KSR2: variants seen among roughly 807,000 people sequenced by gnomAD.
The protein encoded by KSR2 is kinase suppressor of ras 2.
A neutral mutation model predicts 107.8 loss-of-function variants in KSR2; 25 were observed. That is an observed-to-expected ratio of 0.23 (90% CI 0.17 to 0.32). The LOEUF (loss-of-function observed/expected upper bound fraction) is 0.32. KSR2 is among the 10% of genes least tolerant of loss of function. KSR2 has a pLI of 1.00. For synonymous variants in KSR2, 480 were observed against 507.0 expected (o/e 0.95, Z 0.71); for missense variants, 887 against 1,268.9 (o/e 0.70, Z 4.57).
intron 1 of KSR2, among the ~76,000 whole-genome samples, chr12:117,927,494 C>G (rs144349171): frequency 2.2e-4 from 33 of 152,178 alleles, no homozygotes; most frequent in African/African-American, 7.5e-4. Context: ...GAGTTCAAGA[C>G]CAGCCTGGCC....
intron 4 of KSR2, among the ~76,000 whole-genome samples, chr12:117,740,747 T>C (rs1888189794): frequency 6.6e-6 from 1 of 150,976 alleles, no homozygotes; most frequent in Admixed American, 6.7e-5. Context: ...GTTCCATATT[T>C]TTGCAATTGC....
intron 3 of KSR2, among the ~76,000 whole-genome samples, chr12:117,821,065 G>A (rs1891546345): frequency 6.6e-6 from 1 of 152,184 alleles, no homozygotes; most frequent in South Asian, 2.1e-4. Context: ...CTGAGCCTCA[G>A]TTTCTGCATC....
chr12:117,841,128 G>A (rs1892459253), intron 3 of KSR2, among the ~76,000 whole-genome samples: 1 of 152,110 alleles, frequency 6.6e-6, no homozygotes, highest in African/African-American at 2.4e-5. Context: ...TTGGTAATCA[G>A]GGAAATAATT....
At chr12:117,625,491 G>C (rs1882438876) in intron 5 of KSR2, among the ~76,000 whole-genome samples, 1 of 152,154 alleles carries the variant, frequency 6.6e-6, no homozygotes, top group Non-Finnish European at 1.5e-5. Context: ...TTCTGCTTAT[G>C]TGATGGATTG....
chr12:117,630,473 G>A (rs1222686765), intron 5 of KSR2, among the ~76,000 whole-genome samples: 1 of 152,172 alleles, frequency 6.6e-6, no homozygotes, highest in Non-Finnish European at 1.5e-5. Flanking sequence ...GGAGATGTAG[G>A]CACTAGTGCA....
At chr12:117,918,456 C>T (rs553125130) in intron 1 of KSR2, among the ~76,000 whole-genome samples, 4 of 152,222 alleles carry the variant, frequency 2.6e-5, no homozygotes, top group African/African-American at 9.6e-5. Flanking sequence ...ATTCCTTCTC[C>T]TCTACTATCT....
intron 1 of KSR2, among the ~76,000 whole-genome samples, chr12:117,901,223 C>T (rs755580504): frequency 7.2e-5 from 11 of 151,730 alleles, no homozygotes; most frequent in Non-Finnish European, 1.6e-4. Context: ...ATAAAGTAGA[C>T]AATAAACATA....
intron 5 of KSR2, among the ~76,000 whole-genome samples, chr12:117,625,312 C>T (rs1175451943): frequency 6.6e-6 from 1 of 152,122 alleles, no homozygotes; most frequent in Non-Finnish European, 1.5e-5. Context: ...CAGTTTTTGC[C>T]CACTCAGTAT....
At chr12:117,646,676 G>T (rs192355825) in intron 5 of KSR2, among the ~76,000 whole-genome samples, 9 of 152,270 alleles carry the variant, frequency 5.9e-5, no homozygotes, top group Admixed American at 3.9e-4. Flanking sequence ...AGTTTCTTCT[G>T]AAGGGGCGCA....
intron 4 of KSR2, among the ~76,000 whole-genome samples, chr12:117,668,559 C>T (rs1431325789): frequency 6.6e-6 from 1 of 152,176 alleles, no homozygotes; most frequent in Non-Finnish European, 1.5e-5. Context: ...GCAGGAATTA[C>T]ACTATTCTGG....
intron 16 of KSR2, among the ~76,000 whole-genome samples, chr12:117,481,172 A>C (rs752049018): frequency 6.6e-6 from 1 of 151,986 alleles, no homozygotes; most frequent in African/African-American, 2.4e-5. Context: ...GCCTGCCCCT[A>C]CTCCCATTTT....
At chr12:117,652,518 A>C (rs757630909) in intron 5 of KSR2, among the ~76,000 whole-genome samples, 26 of 152,178 alleles carry the variant, frequency 1.7e-4, no homozygotes, top group Non-Finnish European at 3.5e-4. Flanking sequence ...CCCTCAGTCA[A>C]TTTCCAGACT....
intron 4 of KSR2, among the ~76,000 whole-genome samples, chr12:117,748,658 T>G: frequency 6.6e-6 from 1 of 152,192 alleles, no homozygotes; most frequent in Non-Finnish European, 1.5e-5. Flanking sequence ...AAGTGACAGC[T>G]ATCATGTATA....
intron 14 of KSR2, among the ~76,000 whole-genome samples, chr12:117,513,113 G>A (rs1041579532): frequency 5.3e-5 from 8 of 151,642 alleles, no homozygotes; most frequent in Admixed American, 2.0e-4. Context: ...CCTCCATCTC[G>A]TTTCCCTCTT....
At chr12:117,700,752 A>G (rs1334262405) in intron 4 of KSR2, among the ~76,000 whole-genome samples, 2 of 152,226 alleles carry the variant, frequency 1.3e-5, no homozygotes, top group Non-Finnish European at 2.9e-5. Context: ...TCAACGTGGG[A>G]GCAAATGTCA....
intron 4 of KSR2, among the ~76,000 whole-genome samples, chr12:117,698,376 T>C (rs1367953533): frequency 6.6e-6 from 1 of 152,010 alleles, no homozygotes; most frequent in South Asian, 2.1e-4. Flanking sequence ...CATGCAGTGA[T>C]GCAATCACAG....
intron 6 of KSR2, among the ~76,000 whole-genome samples, chr12:117,580,441 G>C (rs932599819): frequency 6.6e-6 from 1 of 152,154 alleles, no homozygotes; most frequent in Non-Finnish European, 1.5e-5. Context: ...TAGGAGTGGC[G>C]GGCAGGCTTC....
intron 1 of KSR2, among the ~76,000 whole-genome samples, chr12:117,953,238 C>T (rs1306600072): frequency 1.3e-5 from 2 of 151,522 alleles, no homozygotes; most frequent in South Asian, 2.1e-4. Context: ...ATGTAAAAAA[C>T]GGTTGCAGCC....
At chr12:117,851,750 G>C (rs1386148143) in intron 3 of KSR2, among the ~76,000 whole-genome samples, 1 of 152,094 alleles carries the variant, frequency 6.6e-6, no homozygotes, top group Non-Finnish European at 1.5e-5. Flanking sequence ...AATTAGAGCA[G>C]CATGGTGGCG....
Sources: allele counts gnomAD v4.1 joint callset (sites outside exome capture counted in the v4.1 genomes callset), GRCh38; gene constraint gnomAD v4.1.1; transcripts MANE v1.5; gene names NCBI Gene and HGNC (gene_info 2026-07-23, HGNC 2026-07-21).